Variants in DAB1 observed in about 807,000 individuals in gnomAD.
The protein encoded by DAB1 is DAB adaptor protein 1.
DAB1 carries 15 observed loss-of-function variants against 64.6 expected under a neutral mutation model. That is an observed-to-expected ratio of 0.23 (90% CI 0.16 to 0.36). The LOEUF (loss-of-function observed/expected upper bound fraction) is 0.36, where lower values mean the gene tolerates loss of function less well. DAB1 is among the 10% of genes least tolerant of loss of function. The pLI is 1.00. For missense variants in DAB1, 596 were observed against 706.7 expected, an observed-to-expected ratio of 0.84 and a Z score of 1.78; for synonymous variants, 235 against 251.9, an observed-to-expected ratio of 0.93 and a Z score of 0.64.
At chr1:58,440,383 T>C (rs1350952085) in intron 3 of DAB1, among the ~76,000 whole-genome samples, 5 of 152,190 alleles carry the variant, frequency 3.3e-5, no homozygotes, top group Non-Finnish European at 7.4e-5. Context: ...ATTAATACCC[T>C]GAAGCAAATG....
chr1:57,248,708 C>A (rs1669089540), intron 2 of DAB1, among the ~76,000 whole-genome samples: 1 of 152,138 alleles, frequency 6.6e-6, no homozygotes, highest in Non-Finnish European at 1.5e-5. Flanking sequence ...TAATGCTATT[C>A]CTCAGAATAA....
chr1:57,048,012 T>G lies in DAB1; in HGVS notation c.723+14872A>C, dbSNP rs114885989. On this transcript the variant is annotated intron_variant, in intron 9 of 14. Transcript: ENST00000371236. ...TTTATTGATTGAGCACTTACTATAT[T>G]CCAGGTGCTGTTATAAATATCTTAT... 9.0e-3 allele frequency among the ~76,000 whole-genome samples: 1,374 copies of G among 152,328 alleles called. 24 individuals are homozygous for G. Among genetic ancestry groups the G allele is most frequent in the African/African-American group, 0.032 (1,310 of 41,574 alleles).
At position 57,086,548 on chromosome 1, in the gene DAB1, C is replaced by T. The variant is rs115686883; in HGVS notation, c.307-14134G>A. 5.2e-3 allele frequency among the ~76,000 whole-genome samples: 787 copies of T among 152,120 alleles called. 5 individuals are homozygous for T. The highest frequency in any genetic ancestry group is 0.018 in the African/African-American group (743 of 41,518). On this transcript the variant is annotated intron_variant, in intron 4 of 14. Transcript: ENST00000371236. The stretch of plus-strand genomic sequence containing the variant: ...TGAGCCGAAGATAAATCCTGCCTCC[C>T]CTCACTGCCTAATCCCTGCTTCCTG...
chr1:58,180,626 T>C (rs1301168186), intron 4 of DAB1, among the ~76,000 whole-genome samples: 2 of 152,076 alleles, frequency 1.3e-5, no homozygotes, highest in East Asian at 1.9e-4. Context: ...TTAAAAGTTA[T>C]AATTTTCCTC....
At chr1:58,426,640 C>A (rs1047679773) in intron 3 of DAB1, among the ~76,000 whole-genome samples, 2 of 152,170 alleles carry the variant, frequency 1.3e-5, no homozygotes, top group African/African-American at 4.8e-5. Context: ...AAGAAATGAA[C>A]CCCTGCCCTT....
chr1:57,464,807 G>T (rs555991716), intron 7 of DAB1, among the ~76,000 whole-genome samples: 2 of 152,170 alleles, frequency 1.3e-5, no homozygotes, highest in South Asian at 4.2e-4. Context: ...TTGTTGTACT[G>T]CAGGGAATTT....
At chr1:57,386,978 C>T (rs1300958330) in intron 1 of DAB1, 1 of 128,038 alleles carries the variant, frequency 7.8e-6, no homozygotes, top group African/African-American at 3.1e-5. Flanking sequence ...CAGCCAGCTC[C>T]CTTACAGGAC....
intron 9 of DAB1, among the ~76,000 whole-genome samples, chr1:57,049,766 G>T (rs2100520730): frequency 6.6e-6 from 1 of 152,252 alleles, no homozygotes; most frequent in African/African-American, 2.4e-5. Flanking sequence ...CTGTAACACA[G>T]GAGGCTGATT....
At chr1:58,005,035 C>A (rs1367132838) in intron 5 of DAB1, among the ~76,000 whole-genome samples, 1 of 151,772 alleles carries the variant, frequency 6.6e-6, no homozygotes, top group Non-Finnish European at 1.5e-5. Flanking sequence ...AAAACAGAGT[C>A]TTAAAAAATG....
At chr1:57,480,504 A>C (rs570753983) in intron 7 of DAB1, among the ~76,000 whole-genome samples, 1 of 143,874 alleles carries the variant, frequency 7.0e-6, no homozygotes, top group African/African-American at 2.7e-5. Flanking sequence ...TTTTTTTTTG[A>C]GACAGAGTCT....
At chr1:57,294,188 T>C (rs1312312303) in intron 1 of DAB1, among the ~76,000 whole-genome samples, 1 of 152,208 alleles carries the variant, frequency 6.6e-6, no homozygotes, top group Non-Finnish European at 1.5e-5. Context: ...TTTTCCCCAG[T>C]AAAGGCTGTG....
chr1:58,466,779 C>T (rs892113744), intron 3 of DAB1, among the ~76,000 whole-genome samples: 2 of 152,136 alleles, frequency 1.3e-5, no homozygotes, highest in Non-Finnish European at 2.9e-5. Flanking sequence ...CACCACAGCC[C>T]GGTTGAACAG....
chr1:58,023,973 T>C (rs994037239), intron 5 of DAB1, among the ~76,000 whole-genome samples: 1 of 152,194 alleles, frequency 6.6e-6, no homozygotes, highest in African/African-American at 2.4e-5. Flanking sequence ...ATCTCACAAC[T>C]GTCAAACCCA....
intron 7 of DAB1, among the ~76,000 whole-genome samples, chr1:57,622,260 G>A (rs190773925): frequency 1.3e-5 from 2 of 152,130 alleles, no homozygotes; most frequent in East Asian, 3.9e-4. Flanking sequence ...GAGATGAAGG[G>A]GACTGTGCAA....
At chr1:58,129,289 G>A (rs1653357251) in intron 5 of DAB1, among the ~76,000 whole-genome samples, 1 of 151,202 alleles carries the variant, frequency 6.6e-6, no homozygotes, top group African/African-American at 2.4e-5. Flanking sequence ...TATTTCTGTG[G>A]GATCGGTGGT....
intron 11 of DAB1, among the ~76,000 whole-genome samples, chr1:57,020,131 G>A (rs1646566481): frequency 6.6e-6 from 1 of 152,122 alleles, no homozygotes; most frequent in Non-Finnish European, 1.5e-5. Flanking sequence ...TTCTTACCCT[G>A]TGCAGCTTAC....
At chr1:58,142,315 C>T (rs868858374) in intron 5 of DAB1, among the ~76,000 whole-genome samples, 1 of 152,212 alleles carries the variant, frequency 6.6e-6, no homozygotes, top group African/African-American at 2.4e-5. Context: ...GTTTCAGAAA[C>T]AGTTTTCATG....
intron 7 of DAB1, among the ~76,000 whole-genome samples, chr1:57,467,062 G>A (rs921750763): frequency 3.3e-4 from 50 of 152,134 alleles, no homozygotes; most frequent in African/African-American, 1.2e-3. Context: ...TGCACAAAGG[G>A]GAGGAAATTA....
At chr1:58,089,041 G>T (rs1224408240) in intron 5 of DAB1, among the ~76,000 whole-genome samples, 11 of 152,220 alleles carry the variant, frequency 7.2e-5, no homozygotes, top group Non-Finnish European at 1.5e-4. Flanking sequence ...GCAAAATAGG[G>T]CATGGGCCCT....
Sources: allele counts gnomAD v4.1 joint callset (sites outside exome capture counted in the v4.1 genomes callset), GRCh38; gene constraint gnomAD v4.1.1; transcripts MANE v1.5; gene names NCBI Gene and HGNC (gene_info 2026-07-23, HGNC 2026-07-21).